The following SLC44A4 variants were observed in gnomAD, a reference collection of about 807,000 sequenced individuals.
SLC44A4 encodes the protein choline transporter-like protein 4.
SLC44A4 carries 74 observed loss-of-function variants against 97.0 expected under a neutral mutation model. That is an observed-to-expected ratio of 0.76 (90% CI 0.63 to 0.93). The LOEUF is 0.93. Ranked by LOEUF, SLC44A4 falls within the 40% of genes least tolerant of loss-of-function variation. The probability of loss-of-function intolerance (pLI) is 0.00; values close to 1 mark genes in which losing one functional copy is unlikely to be tolerated. For missense variants in SLC44A4, 799 were observed against 902.9 expected (o/e 0.88, Z 1.48); for synonymous variants, 325 against 363.8 (o/e 0.89, Z 1.21).
intron 4 of SLC44A4, among the ~76,000 whole-genome samples, chr6:31,875,524 A>G (rs921010121): frequency 2.0e-5 from 3 of 152,216 alleles, no homozygotes; most frequent in Non-Finnish European, 2.9e-5. Context: ...CAAAGCTCAG[A>G]GAGCTTGAGT....
intron 13 of SLC44A4, among the ~76,000 whole-genome samples, chr6:31,868,041 C>G (rs1386336556): frequency 1.3e-5 from 2 of 152,160 alleles, no homozygotes; most frequent in Non-Finnish European, 2.9e-5. Context: ...TGGTCTCAAA[C>G]TCCTGACCTC....
At chr6:31,869,016 C>T in intron 13 of SLC44A4, 139 bp downstream of exon 13, 1 of 637,638 alleles carries the variant, frequency 1.6e-6, no homozygotes, top group Admixed American at 3.2e-5. Flanking sequence ...TCTTCTAGCT[C>T]TGCTGGGGGT....
Position 31,875,917 on chromosome 6 carries a change from T to TC in SLC44A4, c.176dup (p.Asp60ArgfsTer24). 6.2e-7 allele frequency: 1 copy of TC among 1,613,756 alleles called. No homozygotes were observed. Among genetic ancestry groups the TC allele is most frequent in the Non-Finnish European group, 8.5e-7 (1 of 1,179,926 alleles). ...TGGGGTAGAGGACTTGCCGGGGGTC[T>TC]CCATACAACCAGGCTGCAGACAGAG... On this transcript the variant is annotated frameshift_variant, in exon 4 of 21. Transcript: ENST00000229729. LOFTEE classifies it high-confidence loss of function.
At position 31,865,510 on chromosome 6, in the gene SLC44A4, A is replaced by G. The variant is rs772801407; in HGVS notation, c.1674T>C (p.Asn558=). ...LEKFIKFLNR[N]AYIMIAIYGK... ...CAGTGTAGCTCACCATGATGTATGC[A>G]TTGCGGTTTAGGAACTTGATAAATT... The change falls in exon 16 of 21, where the codon AAT becomes AAC. Residue 558 remains asparagine, a synonymous_variant. Transcript: ENST00000229729. This position sits in a 1 kb window ranked among gnomAD's most constrained non-coding sequence, Gnocchi z 5.2. The G allele has an allele frequency of 6.2e-7, 1 of 1,606,246 alleles. No individual in the cohort carries two copies. The highest frequency in any genetic ancestry group is 1.3e-5 in the African/African-American group (1 of 74,756).
rs993527235 is a variant in SLC44A4, at chr6:31,878,657, C to T, written c.40+284G>A. Among the ~76,000 whole-genome samples, 1 of 151,878 alleles carries T rather than the reference C, an allele frequency of 6.6e-6. No homozygotes were observed. The highest frequency in any genetic ancestry group is 2.4e-5 in the African/African-American group (1 of 41,354). On this transcript the variant is annotated intron_variant, in intron 1 of 20. Coordinates refer to ENST00000229729, the MANE Select transcript of SLC44A4 (RefSeq NM_025257.3). This position sits in a 1 kb window ranked among gnomAD's most constrained non-coding sequence, Gnocchi z 4.0. Reference sequence around the variant, plus strand: ...GCCCTGCCCTTAGGGACCCAGAGTCCAGGCCTGAAATACCCCCCTCCTCCC... The same window carrying T: ...GCCCTGCCCTTAGGGACCCAGAGTCTAGGCCTGAAATACCCCCCTCCTCCC...
Position 31,874,661 on chromosome 6 carries a change from C to CCT in SLC44A4, c.468+58_468+59dup. On this transcript the variant is annotated intron_variant, in intron 6 of 20. Coordinates refer to ENST00000229729, the MANE Select transcript of SLC44A4 (RefSeq NM_025257.3). This position sits in a 1 kb window ranked among gnomAD's most constrained non-coding sequence, Gnocchi z 4.8. ...GTGATGATCTACCCAACTCCCCCTC[C>CCT]CTCTCGTGCCCACCCTGGCCCTTCT... 1 of 1,566,508 alleles carries CCT rather than the reference C, an allele frequency of 6.4e-7. No individual in the cohort carries two copies. The highest frequency in any genetic ancestry group is 8.6e-7 in the Non-Finnish European group (1 of 1,156,776).
chr6:31,877,497 C>T lies in SLC44A4; in HGVS notation c.41-415G>A. On this transcript the variant is annotated intron_variant, in intron 1 of 20. Coordinates refer to ENST00000229729, the MANE Select transcript of SLC44A4 (RefSeq NM_025257.3). The surrounding 1 kb of genome is among the most constrained non-coding windows in gnomAD (Gnocchi z 6.5). ...CTCCCTAATCCCTCCCCAGGGACCA[C>T]ACAGACCCACAGCCCCTCAGGGAGG... The T allele has an allele frequency of 1.5e-6, 1 of 658,194 alleles. No individual in the cohort carries two copies. Among genetic ancestry groups the T allele is most frequent in the Non-Finnish European group, 1.9e-6 (1 of 517,558 alleles). 40.8% of individuals were successfully genotyped at this position (658,194 alleles called of 1,614,324 possible).
Position 31,865,344 on chromosome 6 carries a change from C to G in SLC44A4, c.1731G>C (p.Ala577=). The G allele has an allele frequency of 1.2e-6, 2 of 1,613,940 alleles. No homozygotes were observed. The highest frequency in any genetic ancestry group is 1.7e-6 in the Non-Finnish European group (2 of 1,180,026). ...GKNFCVSAKN[A]FMLLMRNIVR... ...CAATGTTTCGCATGAGTAGCATGAA[C>G]GCATTTTTGGCTGAGACACAGAAAT... The change falls in exon 17 of 21, where the codon GCG becomes GCC. Residue 577 remains alanine, a synonymous_variant. Coordinates refer to ENST00000229729, the MANE Select transcript of SLC44A4 (RefSeq NM_025257.3). The surrounding 1 kb of genome is among the most constrained non-coding windows in gnomAD (Gnocchi z 5.2).
intron 7 of SLC44A4, among the ~76,000 whole-genome samples, chr6:31,873,193 C>T (rs569512541): frequency 7.9e-5 from 12 of 151,580 alleles, no homozygotes; most frequent in African/African-American, 2.7e-4. Context: ...TTGTTTGAGA[C>T]GGAGTCTCGC....
At position 31,870,649 on chromosome 6, in the gene SLC44A4, G is replaced by A. The variant is rs756085961; in HGVS notation, c.991C>T (p.Arg331Trp). 5.0e-6 allele frequency: 8 copies of A among 1,609,820 alleles called. No individual in the cohort carries two copies. Among genetic ancestry groups the A allele is most frequent in the East Asian group, 2.2e-5 (1 of 44,630 alleles). Residue 331 changes from arginine (R) to tryptophan (W), a missense_variant, in exon 11 of 21, where the codon CGG becomes TGG. Coordinates refer to ENST00000229729, the MANE Select transcript of SLC44A4 (RefSeq NM_025257.3). ...GCGATGGCAATACGAATCCGCTGCC[G>A]CAGGAAGATGAGCATCAGCAGCAGG... Reference protein sequence around the residue: ...AILLLMLIFLRQRIRIAIALL... With the variant: ...AILLLMLIFLWQRIRIAIALL...
rs745318493 is a variant in SLC44A4, at chr6:31,870,908, G to A, written c.841C>T (p.Arg281Ter). The part of the protein sequence containing the change: ...YGIYYCWEEY[R>*]VLRDKGASIS... ...GAGGCGCCCTTGTCCCGCAGCACTCGGTACTCCTCCCAGCAGTAGTAGATG... is the reference window on the plus strand; with the variant it reads ...GAGGCGCCCTTGTCCCGCAGCACTCAGTACTCCTCCCAGCAGTAGTAGATG... The change falls in exon 10 of 21, where the codon CGA (arginine) becomes TGA (stop). Residue 281 changes from arginine (R) to a stop codon, truncating the protein, a stop_gained. Transcript: ENST00000229729. LOFTEE classifies it high-confidence loss of function. The A allele has an allele frequency of 7.4e-6, 12 of 1,612,858 alleles. No homozygotes were observed. The highest frequency in any genetic ancestry group is 1.1e-5 in the South Asian group (1 of 91,078).
At position 31,865,049 on chromosome 6, in the gene SLC44A4, G is replaced by T; in HGVS notation, c.1792C>A (p.Leu598Met). 1 of 1,613,598 alleles carries T rather than the reference G, an allele frequency of 6.2e-7. No homozygotes were observed. Among genetic ancestry groups the T allele is most frequent in the East Asian group, 2.2e-5 (1 of 44,892 alleles). Residue 598 changes from leucine to methionine, a missense_variant, in exon 18 of 21, where the codon CTG (leucine) becomes ATG (methionine). Leu to Met is a conservative substitution (Grantham distance 15). Coordinates refer to ENST00000229729, the MANE Select transcript of SLC44A4 (RefSeq NM_025257.3). The surrounding 1 kb of genome is among the most constrained non-coding windows in gnomAD (Gnocchi z 5.2). ...VVVLDKVTDL[L>M]LFFGKLLVVG... ...ACCAGCAGCTTCCCAAAGAACAGCA[G>T]CAGGTCTGTGACTTTGTCCAGGACG...
rs2151549801 is a variant in SLC44A4, at chr6:31,863,449, A to ACTC, written c.*175_*177dup. On this transcript the variant is annotated 3_prime_UTR_variant, in exon 21 of 21. Coordinates refer to ENST00000229729, the MANE Select transcript of SLC44A4 (RefSeq NM_025257.3). ...ACCATGTTGGCCAGGCTGGTCTCGA[A>ACTC]CTCCTGACTCAGGTGATCCGCCCGC... 2.4e-6 allele frequency: 2 copies of ACTC among 826,622 alleles called. No homozygotes were observed. The highest frequency in any genetic ancestry group is 1.8e-5 in the African/African-American group (1 of 55,506). The allele number at this position is 826,622 out of a possible 1,614,324, so 51.2% of individuals were successfully genotyped here.
Position 31,874,124 on chromosome 6 carries a change from A to T in SLC44A4, c.529+336T>A, listed in dbSNP as rs1449697699. 6.6e-6 allele frequency among the ~76,000 whole-genome samples: 1 copy of T among 151,992 alleles called. No homozygotes were observed. Among genetic ancestry groups the T allele is most frequent in the Non-Finnish European group, 1.5e-5 (1 of 67,996 alleles). Reference sequence around the variant, plus strand: ...AGGAAGACTCCGTCAAAAAAAAAAAAATGTGTGTGTAGATTCACCCATGTA... The same window carrying T: ...AGGAAGACTCCGTCAAAAAAAAAAATATGTGTGTGTAGATTCACCCATGTA... On this transcript the variant is annotated intron_variant, in intron 7 of 20. Coordinates refer to ENST00000229729, the MANE Select transcript of SLC44A4 (RefSeq NM_025257.3). This position sits in a 1 kb window ranked among gnomAD's most constrained non-coding sequence, Gnocchi z 4.8.
chr6:31,875,863 C>T lies in SLC44A4; in HGVS notation c.231G>A (p.Met77Ile). The change falls in exon 4 of 21, where the codon ATG (methionine) becomes ATA (isoleucine). Residue 77 changes from methionine (M) to isoleucine (I), a missense_variant. By Grantham distance (10) the Met-to-Ile change is conservative. Transcript: ENST00000229729. ...GCCTTTGTACTCACTTGTTCTCCCCCATGCCACAGTAGGCCCCAGTAGAGT... is the reference window on the plus strand; with the variant it reads ...GCCTTTGTACTCACTTGTTCTCCCCTATGCCACAGTAGGCCCCAGTAGAGT... Reference protein sequence around the residue: ...PRNSTGAYCGMGENKDKPYLL... With the variant: ...PRNSTGAYCGIGENKDKPYLL... 1 of 1,611,220 alleles carries T rather than the reference C, an allele frequency of 6.2e-7. No homozygotes were observed. The highest frequency in any genetic ancestry group is 8.5e-7 in the Non-Finnish European group (1 of 1,178,456).
Position 31,875,722 on chromosome 6 carries a change from G to A in SLC44A4, c.242+130C>T, listed in dbSNP as rs117369289. 2.8e-4 allele frequency: 218 copies of A among 791,100 alleles called. 1 individual carries two copies. In the East Asian group the frequency reaches 4.9e-3, roughly 18 times the overall value. The allele number at this position is 791,100 out of a possible 1,614,324, so 49.0% of individuals were successfully genotyped here. On this transcript the variant is annotated intron_variant, in intron 4 of 20. Transcript: ENST00000229729. ...GAGTTGTCAGATTCAGGGAGGCTGA[G>A]GTGGGGTGGGGACAGCAGGGAAAGG... is the stretch of plus-strand genomic sequence containing the variant.
rs748727506 is a variant in SLC44A4 at position 31,866,028 on chromosome 6, G to T, written c.1332C>A (p.Ile444=). 1 of 1,614,232 alleles carries T rather than the reference G, an allele frequency of 6.2e-7. No homozygotes were observed. Residue 444 remains isoleucine, a synonymous_variant, in exon 14 of 21, where the codon ATC becomes ATA. Coordinates refer to ENST00000229729, the MANE Select transcript of SLC44A4 (RefSeq NM_025257.3). The part of the protein sequence containing the change: ...LIQRSVFNLQ[I]YGVLGLFWTL... ...TCCAGAAGAGCCCCAGGACCCCATA[G>T]ATTTGCAGATTGAAGACAGAACGTT...
At chr6:31,875,539 T>C (rs1368689407) in intron 4 of SLC44A4, among the ~76,000 whole-genome samples, 1 of 152,196 alleles carries the variant, frequency 6.6e-6, no homozygotes, top group Non-Finnish European at 1.5e-5. Flanking sequence ...TTGAGTAACT[T>C]GTCCAAGGCC....
In SLC44A4 at chr6:31,864,652, G is replaced by A. The variant is rs768032825; in HGVS notation, c.2011C>T (p.Leu671=). 4 of 1,613,720 alleles carry A rather than the reference G, an allele frequency of 2.5e-6. No homozygotes were observed. The highest frequency in any genetic ancestry group is 3.4e-6 in the Non-Finnish European group (4 of 1,179,854). ...MCVDTLFLCF[L]EDLERNNGSL... The stretch of plus-strand genomic sequence containing the variant: ...ACAGGTGGCTGGGGGTGTCACTCAC[G>A]GAAGCAGAGGAAGAGCGTGTCCACA... The change falls in exon 20 of 21, where the codon CTG becomes TTG. Residue 671 remains leucine, a splice_region_variant and synonymous_variant. Transcript: ENST00000229729.
Sources: allele counts gnomAD v4.1 joint callset (sites outside exome capture counted in the v4.1 genomes callset), GRCh38; gene constraint gnomAD v4.1.1; non-coding constraint Gnocchi (gnomAD v3.1); transcripts MANE v1.5; gene names NCBI Gene and HGNC (gene_info 2026-07-23, HGNC 2026-07-21).